The following IGF1R variants were observed in gnomAD, a reference collection of about 807,000 sequenced individuals.
The protein encoded by IGF1R is insulin like growth factor 1 receptor, also known as insulin-like growth factor 1 receptor.
A neutral mutation model predicts 144.6 loss-of-function variants in IGF1R; 44 were observed. The observed-to-expected ratio is 0.30, with a 90% CI of 0.24 to 0.39. The LOEUF is 0.39. Ranked by LOEUF, IGF1R falls within the 10% of genes least tolerant of loss-of-function variation. The probability of loss-of-function intolerance (pLI) is 1.00; values close to 1 mark genes in which losing one functional copy is unlikely to be tolerated. For synonymous variants in IGF1R, 795 were observed against 722.8 expected (o/e 1.10, Z -1.60); for missense variants, 1,355 against 1,833.7 (o/e 0.74, Z 4.77).
At chr15:98,677,996 C>G (rs781221159) in intron 1 of IGF1R, among the ~76,000 whole-genome samples, 1 of 152,172 alleles carries the variant, frequency 6.6e-6, no homozygotes, top group Non-Finnish European at 1.5e-5. Flanking sequence ...GATAATGCCT[C>G]TGTTTCTCAA....
intron 1 of IGF1R, among the ~76,000 whole-genome samples, chr15:98,652,767 T>C (rs1255228515): frequency 6.6e-6 from 1 of 152,052 alleles, no homozygotes; most frequent in Non-Finnish European, 1.5e-5. Context: ...GCGGATGGAA[T>C]GGGGAGTGAC....
chr15:98,728,121 AT>A (rs892279391), intron 2 of IGF1R, among the ~76,000 whole-genome samples: 1 of 149,622 alleles, frequency 6.7e-6, no homozygotes, highest in African/African-American at 2.5e-5. Context: ...CTGAAGATGC[AT>A]TTTTTAACTT....
chr15:98,944,995 A>C (rs530999930), intron 19 of IGF1R, among the ~76,000 whole-genome samples: 1 of 152,234 alleles, frequency 6.6e-6, no homozygotes, highest in East Asian at 1.9e-4. Context: ...TAGCCAGAAC[A>C]CCTCCAAGTT....
intron 2 of IGF1R, among the ~76,000 whole-genome samples, chr15:98,784,833 G>A (rs755612132): frequency 1.3e-5 from 2 of 152,136 alleles, no homozygotes; most frequent in Non-Finnish European, 2.9e-5. Flanking sequence ...TCTATGAGAC[G>A]ATGTGCATAC....
chr15:98,686,694 A>G (rs769402712), intron 1 of IGF1R, among the ~76,000 whole-genome samples: 4 of 150,724 alleles, frequency 2.7e-5, no homozygotes, highest in Admixed American at 1.3e-4. Context: ...TCTTAGAGAC[A>G]GGATCTCACA....
intron 2 of IGF1R, among the ~76,000 whole-genome samples, chr15:98,730,823 G>A (rs1270071280): frequency 6.6e-5 from 10 of 151,772 alleles, no homozygotes; most frequent in South Asian, 2.1e-4. Flanking sequence ...ATACCTTCCC[G>A]TATTTTTTTT....
In IGF1R at chr15:98,963,958, A is replaced by C. The variant is rs758187761; in HGVS notation, c.*6516A>C. 8.6e-6 allele frequency: 2 copies of C among 233,430 alleles called. No individual in the cohort carries two copies. Among genetic ancestry groups the C allele is most frequent in the Non-Finnish European group, 1.7e-5 (2 of 117,910 alleles). 14.5% of individuals were successfully genotyped at this position (233,430 alleles called of 1,614,324 possible). A position where few individuals can be genotyped will look rare whatever the true frequency, so the allele number is the denominator to read the frequency against. On this transcript the variant is annotated 3_prime_UTR_variant, in exon 21 of 21. Coordinates refer to ENST00000650285, the MANE Select transcript of IGF1R (RefSeq NM_000875.5). ...TGCGCTACATAGGAGAAAGATCTGG[A>C]AACTATTTGGGTTTTGTTTTCAACT...
intron 2 of IGF1R, among the ~76,000 whole-genome samples, chr15:98,835,080 T>C (rs1031634513): frequency 7.7e-6 from 1 of 130,438 alleles, no homozygotes; most frequent in Non-Finnish European, 1.6e-5. Context: ...ACACCCCCCC[T>C]ACACACACAC....
Position 98,883,130 on chromosome 15 carries a change from G to T in IGF1R, c.641-8195G>T, listed in dbSNP as rs115703164. Reference sequence around the variant, plus strand: ...CAAGAGGTTGTTTCTTTTTGGCATTGAGAAATGTTGCCGATGTGATTTTCT... The same window carrying T: ...CAAGAGGTTGTTTCTTTTTGGCATTTAGAAATGTTGCCGATGTGATTTTCT... On this transcript the variant is annotated intron_variant, in intron 2 of 20. Coordinates refer to ENST00000650285, the MANE Select transcript of IGF1R (RefSeq NM_000875.5). 7.9e-3 allele frequency among the ~76,000 whole-genome samples: 1,198 copies of T among 152,298 alleles called. 19 individuals are homozygous for T. The highest frequency in any genetic ancestry group is 0.027 in the African/African-American group (1,130 of 41,558).
At chr15:98,679,131 C>T (rs918623205) in intron 1 of IGF1R, among the ~76,000 whole-genome samples, 1 of 151,876 alleles carries the variant, frequency 6.6e-6, no homozygotes, top group African/African-American at 2.4e-5. Context: ...GTTTTGAACT[C>T]CTGGGATCAA....
intron 2 of IGF1R, among the ~76,000 whole-genome samples, chr15:98,794,601 G>A (rs775869987): frequency 2.6e-5 from 4 of 152,158 alleles, no homozygotes; most frequent in Non-Finnish European, 5.9e-5. Context: ...ATTCTGATTT[G>A]TCTGTGTAAA....
At chr15:98,665,134 G>A (rs990108331) in intron 1 of IGF1R, among the ~76,000 whole-genome samples, 2 of 152,024 alleles carry the variant, frequency 1.3e-5, no homozygotes, top group Admixed American at 6.5e-5. Flanking sequence ...TGTATTTTTA[G>A]TAGAGATGGG....
chr15:98,706,934 G>A (rs931855819), intron 1 of IGF1R, among the ~76,000 whole-genome samples: 4 of 13,642 alleles, frequency 2.9e-4, no homozygotes, highest in Non-Finnish European at 1.2e-3. Context: ...AAAAAATCAC[G>A]TTTTTAATCT....
At chr15:98,669,329 A>T (rs2052826691) in intron 1 of IGF1R, among the ~76,000 whole-genome samples, 1 of 152,086 alleles carries the variant, frequency 6.6e-6, no homozygotes, top group Non-Finnish European at 1.5e-5. Flanking sequence ...AACCCATGTG[A>T]GGTTTTCTCT....
At chr15:98,739,621 A>AAT (rs1555438318) in intron 2 of IGF1R, among the ~76,000 whole-genome samples, 3 of 151,856 alleles carry the variant, frequency 2.0e-5, no homozygotes, top group African/African-American at 4.8e-5. Flanking sequence ...AGAAAAAAAA[A>AAT]TTTTTTTGAA....
rs998002958 is a variant in IGF1R at position 98,960,450 on chromosome 15, G to A, written c.*3008G>A. 7 of 227,734 alleles carry A rather than the reference G, an allele frequency of 3.1e-5. No individual in the cohort carries two copies. Among genetic ancestry groups the A allele is most frequent in the South Asian group, 1.8e-4 (1 of 5,488 alleles). 14.1% of individuals were successfully genotyped at this position (227,734 alleles called of 1,614,324 possible). A position where few individuals can be genotyped will look rare whatever the true frequency, so the allele number is the denominator to read the frequency against. ...GTTGTCTTTGGAACAAACTGCTTCT[G>A]TGCAGATGGAATGACCAACACATTT... On this transcript the variant is annotated 3_prime_UTR_variant, in exon 21 of 21. Coordinates refer to ENST00000650285, the MANE Select transcript of IGF1R (RefSeq NM_000875.5).
intron 2 of IGF1R, among the ~76,000 whole-genome samples, chr15:98,837,135 G>C (rs1316835035): frequency 2.6e-5 from 4 of 152,250 alleles, no homozygotes; most frequent in Non-Finnish European, 5.9e-5. Flanking sequence ...CTGTTGCCCA[G>C]GCAGGGGAGT....
intron 2 of IGF1R, among the ~76,000 whole-genome samples, chr15:98,734,359 G>A (rs1013403139): frequency 6.6e-6 from 1 of 151,994 alleles, no homozygotes; most frequent in Non-Finnish European, 1.5e-5. Flanking sequence ...AGAGTAAGTC[G>A]GCCTTGGTTA....
intron 2 of IGF1R, among the ~76,000 whole-genome samples, chr15:98,744,299 A>G (rs1221464657): frequency 6.6e-6 from 1 of 151,978 alleles, no homozygotes; most frequent in Non-Finnish European, 1.5e-5. Flanking sequence ...GAGGGTTTTA[A>G]GGAGAACAAC....
Sources: allele counts gnomAD v4.1 joint callset (sites outside exome capture counted in the v4.1 genomes callset), GRCh38; gene constraint gnomAD v4.1.1; transcripts MANE v1.5; gene names NCBI Gene and HGNC (gene_info 2026-07-23, HGNC 2026-07-21).